The following NT5DC3 variants were observed in gnomAD, a reference collection of about 807,000 sequenced individuals.
NT5DC3 encodes 5'-nucleotidase domain containing 3.
Under a neutral mutation model 67.8 loss-of-function variants are expected in NT5DC3, and 42 were observed. The ratio of observed to expected loss-of-function variants is 0.62; its 90% CI spans 0.48 to 0.80. The LOEUF is 0.80. Ranked by LOEUF, NT5DC3 falls within the 30% of genes least tolerant of loss-of-function variation. NT5DC3 has a pLI of 0.00. For missense variants in NT5DC3, 570 were observed against 696.4 expected (o/e 0.82, Z 2.04); for synonymous variants, 237 against 255.6 (o/e 0.93, Z 0.69).
chr12:103,747,498 C>T, the NT5DC3 span, among the ~76,000 whole-genome samples: 2 of 152,190 alleles, frequency 1.3e-5, no homozygotes, highest in Non-Finnish European at 2.9e-5. Context: ...TAAGCCCAGC[C>T]TGGACAGCAA....
chr12:103,762,132 G>A, the NT5DC3 span: 1 of 1,106,072 alleles, frequency 9.0e-7, no homozygotes, highest in Non-Finnish European at 1.3e-6. Context: ...ATTAGACCCT[G>A]GCAGTAATAA....
At chr12:103,831,574 A>T (rs1887927552) in intron 1 of NT5DC3, among the ~76,000 whole-genome samples, 1 of 152,138 alleles carries the variant, frequency 6.6e-6, no homozygotes, top group African/African-American at 2.4e-5. Context: ...AAAAGAGAGA[A>T]GTTTCTCTAT....
At position 103,788,764 on chromosome 12, in the gene NT5DC3, A is replaced by C. The variant is rs997125254; in HGVS notation, c.1101+74T>G. 6.3e-6 allele frequency: 6 copies of C among 952,502 alleles called. No individual in the cohort carries two copies. The South Asian group carries it at 7.8e-5, about 12-fold the overall frequency. The allele number at this position is 952,502 out of a possible 1,614,324, so 59.0% of individuals were successfully genotyped here. A position where few individuals can be genotyped will look rare whatever the true frequency, so the allele number is the denominator to read the frequency against. On this transcript the variant is annotated intron_variant, in intron 10 of 13. Transcript: ENST00000392876. ...TGTGCCAGGCATACAGTAAGCCACAATGAACATCAGCTATTAGCATTATTA... is the reference window on the plus strand; with the variant it reads ...TGTGCCAGGCATACAGTAAGCCACACTGAACATCAGCTATTAGCATTATTA...
chr12:103,766,167 C>A, downstream of NT5DC3: 2 of 1,342,608 alleles, frequency 1.5e-6, no homozygotes, highest in Non-Finnish European at 2.1e-6. Flanking sequence ...ACACGCCCAG[C>A]ACATACGTGT....
chr12:103,777,076 T>G lies in NT5DC3; in HGVS notation c.*753A>C, dbSNP rs1244166807. 1 of 152,246 alleles carries G rather than the reference T, an allele frequency of 6.6e-6. No homozygotes were observed. The highest frequency in any genetic ancestry group is 1.5e-5 in the Non-Finnish European group (1 of 68,064). 9.4% of individuals were successfully genotyped at this position (152,246 alleles called of 1,614,324 possible). Reference sequence around the variant, plus strand: ...GTTTTGGTTCTTCAAACCCACTCGTTTCTTGCAGAAGGCTCTACAGAAGGC... The same window carrying G: ...GTTTTGGTTCTTCAAACCCACTCGTGTCTTGCAGAAGGCTCTACAGAAGGC... On this transcript the variant is annotated 3_prime_UTR_variant, in exon 14 of 14. Transcript: ENST00000392876.
intron 12 of NT5DC3, among the ~76,000 whole-genome samples, chr12:103,783,016 G>C (rs1885623874): frequency 6.6e-6 from 1 of 151,954 alleles, no homozygotes; most frequent in Non-Finnish European, 1.5e-5. Context: ...ACAAAAAAAT[G>C]ACACTCTACT....
chr12:103,807,681 G>C (rs1384256053), intron 2 of NT5DC3, among the ~76,000 whole-genome samples: 1 of 152,194 alleles, frequency 6.6e-6, no homozygotes, highest in Non-Finnish European at 1.5e-5. Context: ...GATATGGTTT[G>C]GCTCTATGTC....
Position 103,775,743 on chromosome 12 carries a change from G to A in NT5DC3, c.*2086C>T, listed in dbSNP as rs546456029. ...GTAGAAGATGGGGAGAAGCCTTATT[G>A]GATCTAAAGGGTCACCTTCACCATT... On this transcript the variant is annotated 3_prime_UTR_variant, in exon 14 of 14. Coordinates refer to ENST00000392876, the MANE Select transcript of NT5DC3 (RefSeq NM_001031701.3). 17 of 152,188 alleles carry A rather than the reference G, an allele frequency of 1.1e-4. No homozygotes were observed. Among genetic ancestry groups the A allele is most frequent in the African/African-American group, 3.6e-4 (15 of 41,508 alleles). 9.4% of individuals were successfully genotyped at this position (152,188 alleles called of 1,614,324 possible).
intron 2 of NT5DC3, among the ~76,000 whole-genome samples, chr12:103,808,812 A>C (rs1487534147): frequency 6.6e-6 from 1 of 152,202 alleles, no homozygotes; most frequent in African/African-American, 2.4e-5. Flanking sequence ...CTCATGACTG[A>C]TGGATAATAA....
chr12:103,781,921 A>G (rs903326152), intron 12 of NT5DC3, among the ~76,000 whole-genome samples: 1 of 152,202 alleles, frequency 6.6e-6, no homozygotes, highest in Non-Finnish European at 1.5e-5. Flanking sequence ...GATTGGCTAC[A>G]TATCTTTGCC....
intron 1 of NT5DC3, among the ~76,000 whole-genome samples, chr12:103,828,322 G>T (rs1887779127): frequency 1.3e-5 from 2 of 152,278 alleles, no homozygotes; most frequent in African/African-American, 4.8e-5. Context: ...TTCCAGCAGA[G>T]GACTGAACTC....
chr12:103,752,782 T>C, the NT5DC3 span, among the ~76,000 whole-genome samples: 1 of 152,202 alleles, frequency 6.6e-6, no homozygotes, highest in Non-Finnish European at 1.5e-5. Context: ...AAAAGATTTA[T>C]GAAAACTACA....
chr12:103,757,960 C>A, the NT5DC3 span: 1 of 644,772 alleles, frequency 1.6e-6, no homozygotes, highest in Non-Finnish European at 2.6e-6. Context: ...TGTGACGTGG[C>A]TGTGTCTTAA....
intron 1 of NT5DC3, among the ~76,000 whole-genome samples, chr12:103,826,304 A>C (rs1887693146): frequency 1.3e-5 from 2 of 152,228 alleles, no homozygotes; most frequent in African/African-American, 4.8e-5. Context: ...CTTACATGGC[A>C]AGGGAGAATT....
chr12:103,796,855 AAC>A (rs1566108541), intron 6 of NT5DC3, 37 bp downstream of exon 6: 4 of 1,611,722 alleles, frequency 2.5e-6, no homozygotes, highest in Non-Finnish European at 3.4e-6. Flanking sequence ...AAAAGGCTGA[AAC>A]AGACTCAGCA....
the NT5DC3 span, among the ~76,000 whole-genome samples, chr12:103,754,067 T>C: frequency 6.6e-6 from 1 of 152,124 alleles, no homozygotes; most frequent in Non-Finnish European, 1.5e-5. Flanking sequence ...GCAGAGGAGA[T>C]GAATGCCTAG....
intron 2 of NT5DC3, among the ~76,000 whole-genome samples, chr12:103,812,136 A>T (rs906935149): frequency 6.6e-6 from 1 of 152,140 alleles, no homozygotes; most frequent in Non-Finnish European, 1.5e-5. Flanking sequence ...CTTATTTTTT[A>T]AAAAGGGTAA....
At chr12:103,832,809 G>A (rs1012289201) in intron 1 of NT5DC3, among the ~76,000 whole-genome samples, 2 of 152,144 alleles carry the variant, frequency 1.3e-5, no homozygotes, top group Non-Finnish European at 2.9e-5. Flanking sequence ...TTCCTAAAGC[G>A]TAACAGAAGC....
chr12:103,750,709 T>G, the NT5DC3 span: 2 of 1,613,420 alleles, frequency 1.2e-6, no homozygotes, highest in South Asian at 2.2e-5. Context: ...TGTGTCGACC[T>G]CCACTTCCAG....
Sources: gnomAD v4.1 joint callset for allele counts (sites outside exome capture counted in the v4.1 genomes callset) on GRCh38, gnomAD v4.1.1 for gene constraint, MANE v1.5 for transcripts, NCBI Gene and HGNC (gene_info 2026-07-23, HGNC 2026-07-21) for gene names.